Variants in DNER observed in about 807,000 individuals in gnomAD.
DNER encodes the protein delta and Notch-like epidermal growth factor-related receptor.
In DNER, 33 loss-of-function variants were observed where a neutral mutation model predicts 78.2. The ratio of observed to expected loss-of-function variants is 0.42; its 90% CI spans 0.32 to 0.56. The LOEUF (loss-of-function observed/expected upper bound fraction) is 0.56. Among genes scored for constraint, DNER ranks in the 20% least tolerant of loss-of-function variants. The pLI, the probability that DNER is intolerant of heterozygous loss-of-function variation, is 0.11. For synonymous variants in DNER, 417 were observed against 384.8 expected (o/e 1.08, Z -0.98); for missense variants, 918 against 975.3 (o/e 0.94, Z 0.78).
intron 4 of DNER, among the ~76,000 whole-genome samples, chr2:229,580,826 T>C (rs1211169166): frequency 6.6e-6 from 1 of 152,120 alleles, no homozygotes; most frequent in Non-Finnish European, 1.5e-5. Context: ...TATTCCAGGG[T>C]ACCTGGAATT....
intron 11 of DNER, 68 bp downstream of exon 11, chr2:229,388,197 T>C: frequency 2.0e-6 from 3 of 1,521,764 alleles, no homozygotes; most frequent in Non-Finnish European, 2.7e-6. Flanking sequence ...ATCTTCTTCA[T>C]GAAGGAAAAT....
rs186605738 is a variant in DNER, at chr2:229,549,610, A to C, written c.848-2518T>G. On this transcript the variant is annotated intron_variant, in intron 4 of 12. Transcript: ENST00000341772. ...CACCACATCCAGCCTATAATATTTT[A>C]TTTCTTTCTTAATAACATAGGCCGG... 1.6e-4 allele frequency among the ~76,000 whole-genome samples: 25 copies of C among 152,074 alleles called. No individual in the cohort carries two copies. The East Asian group carries it at 4.1e-3, about 25-fold the overall frequency.
At chr2:229,554,941 A>AGAGAAGAGAGAAAAGGG (rs1559165523) in intron 4 of DNER, among the ~76,000 whole-genome samples, 4 of 25,600 alleles carry the variant, frequency 1.6e-4, no homozygotes, top group African/African-American at 2.6e-4. Flanking sequence ...AGAAGAGAGA[A>AGAGAAGAGAGAAAAGGG]AAGGGAAGGG....
intron 5 of DNER, among the ~76,000 whole-genome samples, chr2:229,528,788 G>A (rs893580070): frequency 2.0e-4 from 30 of 152,186 alleles, no homozygotes; most frequent in Admixed American, 1.2e-3. Flanking sequence ...ACTGAAAAAT[G>A]TGAGTGTCTT....
chr2:229,451,573 T>C (rs61610064), intron 7 of DNER, among the ~76,000 whole-genome samples: 49,551 of 152,144 alleles, frequency 0.33, 8,240 homozygotes, highest in African/African-American at 0.38. Context: ...CCTACTATTA[T>C]AGTAGGATGT....
intron 1 of DNER, among the ~76,000 whole-genome samples, chr2:229,674,199 C>T (rs536322798): frequency 2.2e-4 from 33 of 152,174 alleles, no homozygotes; most frequent in Admixed American, 9.2e-4. Context: ...GTAAATAGTT[C>T]CTTTGTTTAG....
intron 11 of DNER, 90 bp from the exon 12 acceptor site, chr2:229,367,209 A>T: frequency 2.0e-6 from 3 of 1,527,590 alleles, no homozygotes; most frequent in Non-Finnish European, 2.6e-6. Flanking sequence ...ATAACTTAAA[A>T]CCTAAGGGCC....
chr2:229,401,041 G>A (rs1336492605), intron 10 of DNER, among the ~76,000 whole-genome samples: 2 of 151,984 alleles, frequency 1.3e-5, no homozygotes, highest in Non-Finnish European at 2.9e-5. Context: ...TTTCTTCACA[G>A]GATATGCAGA....
At chr2:229,690,940 G>T (rs1699561360) in intron 1 of DNER, among the ~76,000 whole-genome samples, 1 of 152,094 alleles carries the variant, frequency 6.6e-6, no homozygotes, top group Admixed American at 6.6e-5. Context: ...CCTTATCACT[G>T]CCCACTTATT....
At position 229,591,709 on chromosome 2, in the gene DNER, C is replaced by T. The variant is rs1160292459; in HGVS notation, c.456G>A (p.Gln152=). 2.1e-5 allele frequency: 34 copies of T among 1,614,082 alleles called. No individual in the cohort carries two copies. Among genetic ancestry groups the T allele is most frequent in the Non-Finnish European group, 2.7e-5 (32 of 1,180,048 alleles). Residue 152 remains glutamine (Q), a synonymous_variant, in exon 2 of 13, where the codon CAG becomes CAA. Transcript: ENST00000341772. The surrounding 1 kb of genome is among the most constrained non-coding windows in gnomAD (Gnocchi z 4.6). ...TGWTESMAPR[Q]LQPVPATQEP... is the part of the protein sequence containing the mutation. ...CCTGAGTAGCAGGAACAGGCTGAAG[C>T]TGTCGGGGTGCCATGGATTCGGTCC...
intron 8 of DNER, among the ~76,000 whole-genome samples, chr2:229,424,088 T>C (rs1693821746): frequency 6.6e-6 from 1 of 152,236 alleles, no homozygotes; most frequent in African/African-American, 2.4e-5. Context: ...ATTGATTCGA[T>C]GCACTTTTAA....
At chr2:229,689,816 T>A (rs962561694) in intron 1 of DNER, among the ~76,000 whole-genome samples, 1 of 152,150 alleles carries the variant, frequency 6.6e-6, no homozygotes, top group Admixed American at 6.5e-5. Context: ...TAATTAAGTT[T>A]CGAAAAAGGT....
intron 1 of DNER, among the ~76,000 whole-genome samples, chr2:229,707,808 G>C (rs1003283970): frequency 6.6e-6 from 1 of 152,236 alleles, no homozygotes; most frequent in Non-Finnish European, 1.5e-5. Flanking sequence ...TCTCTTCACT[G>C]TTTTCTTATT....
chr2:229,457,776 G>GAA (rs112392058), intron 7 of DNER, among the ~76,000 whole-genome samples: 47,890 of 140,766 alleles, frequency 0.34, 8,259 homozygotes, highest in African/African-American at 0.41. Context: ...ACTTTATTTG[G>GAA]AAAAAAAAAA....
intron 11 of DNER, among the ~76,000 whole-genome samples, chr2:229,368,827 C>G (rs1692409883): frequency 6.6e-6 from 1 of 152,182 alleles, no homozygotes; most frequent in South Asian, 2.1e-4. Flanking sequence ...GGCCTTTGCA[C>G]AGCAACATAC....
At chr2:229,430,881 T>C (rs934801795) in intron 8 of DNER, among the ~76,000 whole-genome samples, 1 of 151,966 alleles carries the variant, frequency 6.6e-6, no homozygotes, top group Admixed American at 6.6e-5. Context: ...AGAAAAACCC[T>C]AACTTTTTAA....
intron 4 of DNER, among the ~76,000 whole-genome samples, chr2:229,563,977 C>CCAT (rs562263252): frequency 5.0e-5 from 7 of 138,994 alleles, no homozygotes; most frequent in South Asian, 2.5e-4. Context: ...CATCCCATCA[C>CCAT]CATCATCATC....
chr2:229,654,539 G>C (rs906103983), intron 1 of DNER, among the ~76,000 whole-genome samples: 1 of 152,184 alleles, frequency 6.6e-6, no homozygotes, highest in African/African-American at 2.4e-5. Flanking sequence ...AGTAATGTTT[G>C]AAATCCCATC....
chr2:229,501,555 C>T (rs1166661056), intron 6 of DNER, among the ~76,000 whole-genome samples: 1 of 152,156 alleles, frequency 6.6e-6, no homozygotes, highest in Non-Finnish European at 1.5e-5. Flanking sequence ...AAACATTCTC[C>T]TCTCAAGAGA....
Sources: allele counts gnomAD v4.1 joint callset (sites outside exome capture counted in the v4.1 genomes callset), GRCh38; gene constraint gnomAD v4.1.1; non-coding constraint Gnocchi (gnomAD v3.1); transcripts MANE v1.5; gene names NCBI Gene and HGNC (gene_info 2026-07-23, HGNC 2026-07-21).